The following TIAM1 variants were observed in gnomAD, a reference collection of about 807,000 sequenced individuals.
TIAM1 encodes rho guanine nucleotide exchange factor TIAM1.
A neutral mutation model predicts 163.5 loss-of-function variants in TIAM1; 65 were observed. That is an observed-to-expected ratio of 0.40 (90% CI 0.33 to 0.49). The LOEUF (loss-of-function observed/expected upper bound fraction) is 0.49, where lower values mean the gene tolerates loss of function less well. TIAM1 is among the 20% of genes least tolerant of loss of function. TIAM1 has a pLI of 0.77. For missense variants in TIAM1, 1,789 were observed against 2,044.7 expected (o/e 0.87, Z 2.41); for synonymous variants, 833 against 810.1 (o/e 1.03, Z -0.48).
intron 2 of TIAM1, among the ~76,000 whole-genome samples, chr21:31,357,714 A>C (rs115954207): frequency 6.6e-6 from 1 of 152,164 alleles, no homozygotes; most frequent in East Asian, 1.9e-4. Context: ...ACTCCAGTGC[A>C]TCTTCCATCC....
chr21:31,551,670 G>A (rs1039617895), intron 1 of TIAM1, among the ~76,000 whole-genome samples: 1 of 152,182 alleles, frequency 6.6e-6, no homozygotes, highest in Admixed American at 6.5e-5. Flanking sequence ...TTGAGCCTGG[G>A]TGCTTGAGGC....
chr21:31,452,316 A>AT (rs1458416504), intron 2 of TIAM1: 1 of 198,612 alleles, frequency 5.0e-6, no homozygotes, highest in Non-Finnish European at 1.0e-5. Flanking sequence ...GCACACACCT[A>AT]TAGTCCCAGC....
intron 8 of TIAM1, among the ~76,000 whole-genome samples, chr21:31,219,734 A>AAAAAC (rs563921302): frequency 0.019 from 2,779 of 143,582 alleles, 86 homozygotes; most frequent in African/African-American, 0.076. Flanking sequence ...AGCACGTTAA[A>AAAAAC]AAAACAAAAC....
Position 31,395,849 on chromosome 21 carries a change from ACAG to A in TIAM1, c.-368-56430_-368-56428del, listed in dbSNP as rs2077058991. 6.6e-6 allele frequency among the ~76,000 whole-genome samples: 1 copy of A among 152,202 alleles called. No individual in the cohort carries two copies. The highest frequency in any genetic ancestry group is 2.4e-5 in the African/African-American group (1 of 41,450). Reference sequence around the variant, plus strand: ...AGGAAACAACATGTACATGCCTGAAACAGCAGGCCAGTAGGGAGGGCCTGAACA... The same window carrying A: ...AGGAAACAACATGTACATGCCTGAAACAGGCCAGTAGGGAGGGCCTGAACA... On this transcript the variant is annotated intron_variant, in intron 2 of 28. Transcript: ENST00000286827. This position sits in a 1 kb window ranked among gnomAD's most constrained non-coding sequence, Gnocchi z 7.5.
chr21:31,164,460 A>C (rs575848778), intron 16 of TIAM1, among the ~76,000 whole-genome samples: 1 of 152,132 alleles, frequency 6.6e-6, no homozygotes, highest in East Asian at 1.9e-4. Flanking sequence ...GAACTTTCTT[A>C]CTATGTTCAA....
intron 1 of TIAM1, among the ~76,000 whole-genome samples, chr21:31,486,063 A>G (rs765849625): frequency 3.3e-5 from 5 of 152,196 alleles, no homozygotes; most frequent in Non-Finnish European, 5.9e-5. Flanking sequence ...CACTGAGTGG[A>G]AACCAATAGC....
intron 2 of TIAM1, among the ~76,000 whole-genome samples, chr21:31,381,433 C>T (rs1363779322): frequency 1.3e-5 from 2 of 152,080 alleles, no homozygotes; most frequent in African/African-American, 2.4e-5. Flanking sequence ...TTTGGGAGGC[C>T]GTGGCAGGTG....
chr21:31,169,516 CA>C (rs1185970515), intron 15 of TIAM1, among the ~76,000 whole-genome samples: 3 of 152,106 alleles, frequency 2.0e-5, no homozygotes, highest in African/African-American at 7.2e-5. Flanking sequence ...TTAAAACTAT[CA>C]ATATGGAATT....
At chr21:31,222,900 T>C (rs1409825376) in intron 8 of TIAM1, among the ~76,000 whole-genome samples, 1 of 151,024 alleles carries the variant, frequency 6.6e-6, no homozygotes, top group African/African-American at 2.4e-5. Context: ...GTACACTTAA[T>C]AGAGACAGGG....
chr21:31,387,740 A>C (rs2076900159), intron 2 of TIAM1, among the ~76,000 whole-genome samples: 2 of 152,110 alleles, frequency 1.3e-5, no homozygotes, highest in African/African-American at 4.8e-5. Context: ...GTGGCCGTGC[A>C]TAGTGGCCCG....
At position 31,169,173 on chromosome 21, in the gene TIAM1, A is replaced by G. The variant is rs543095351; in HGVS notation, c.2888-4108T>C. Among the ~76,000 whole-genome samples the G allele has an allele frequency of 2.6e-5, 4 of 152,270 alleles. No homozygotes were observed. The South Asian group carries it at 8.3e-4, about 32-fold the overall frequency. On this transcript the variant is annotated intron_variant, in intron 15 of 27. Coordinates refer to ENST00000541036, the MANE Select transcript of TIAM1 (RefSeq NM_001353694.2). ...GCTGGGGGTGGTGGCACATGCCTGTAATCCCAGCTACTTGGGAGGCTGAGG... is the reference window on the plus strand; with the variant it reads ...GCTGGGGGTGGTGGCACATGCCTGTGATCCCAGCTACTTGGGAGGCTGAGG...
At chr21:31,545,226 G>A (rs1401863144) in intron 1 of TIAM1, among the ~76,000 whole-genome samples, 1 of 152,184 alleles carries the variant, frequency 6.6e-6, no homozygotes, top group Admixed American at 6.5e-5. Flanking sequence ...ATGTGATAAT[G>A]TCAGAGATTG....
At chr21:31,296,875 G>A (rs779114413) in intron 2 of TIAM1, among the ~76,000 whole-genome samples, 3 of 152,172 alleles carry the variant, frequency 2.0e-5, no homozygotes, top group Non-Finnish European at 4.4e-5. Flanking sequence ...GTGTTAGCCA[G>A]GATGGTCTTG....
At chr21:31,223,324 A>T in intron 8 of TIAM1, 82 bp downstream of exon 8, 5 of 1,450,766 alleles carry the variant, frequency 3.4e-6, no homozygotes, top group Non-Finnish European at 4.6e-6. Context: ...CTCGAAAAAC[A>T]CTTAGGAGAC....
chr21:31,553,171 G>A (rs1325784469), intron 1 of TIAM1, among the ~76,000 whole-genome samples: 1 of 152,158 alleles, frequency 6.6e-6, no homozygotes, highest in Non-Finnish European at 1.5e-5. Context: ...CATGTCAGGT[G>A]GTAGAATTAA....
chr21:31,245,984 A>T (rs1310097037), intron 5 of TIAM1, among the ~76,000 whole-genome samples: 1 of 152,126 alleles, frequency 6.6e-6, no homozygotes, highest in Non-Finnish European at 1.5e-5. Flanking sequence ...CTCTGTCCCG[A>T]GGCAGAGGTC....
chr21:31,251,679 T>A, intron 5 of TIAM1, 63 bp downstream of exon 5: 1 of 1,477,292 alleles, frequency 6.8e-7, no homozygotes, highest in South Asian at 1.3e-5. Context: ...CCCGTGAGTA[T>A]GTGCACAACG....
chr21:31,139,007 T>C (rs1237805955), intron 22 of TIAM1, among the ~76,000 whole-genome samples: 2 of 152,228 alleles, frequency 1.3e-5, no homozygotes, highest in African/African-American at 4.8e-5. Context: ...CACATTTCTT[T>C]TTACAATCTC....
intron 2 of TIAM1, among the ~76,000 whole-genome samples, chr21:31,335,996 C>T (rs1244586214): frequency 3.9e-5 from 6 of 152,172 alleles, no homozygotes; most frequent in Admixed American, 3.9e-4. Context: ...TGTTAGAGAT[C>T]ACAAAGCAGA....
Sources: gnomAD v4.1 joint callset for allele counts (sites outside exome capture counted in the v4.1 genomes callset) on GRCh38, gnomAD v4.1.1 for gene constraint, Gnocchi (gnomAD v3.1) non-coding constraint, MANE v1.5 for transcripts, NCBI Gene and HGNC (gene_info 2026-07-23, HGNC 2026-07-21) for gene names.